Variants in PTPRD observed in about 807,000 individuals in gnomAD.
PTPRD encodes receptor-type tyrosine-protein phosphatase delta.
In PTPRD, 34 loss-of-function variants were observed where a neutral mutation model predicts 214.5. That is an observed-to-expected ratio of 0.16 (90% confidence interval 0.12 to 0.21). The LOEUF is 0.21. PTPRD is among the 10% of genes least tolerant of loss of function. PTPRD has a pLI of 1.00. For missense variants in PTPRD, 2,545 were observed against 2,398.7 expected (o/e 1.06, Z -1.27); for synonymous variants, 1,128 against 845.7 (o/e 1.33, Z -5.79).
chr9:10,141,449 C>T, intron 3 of PTPRD, among the ~76,000 whole-genome samples: 1 of 151,598 alleles, frequency 6.6e-6, no homozygotes. Flanking sequence ...CACTCTTATA[C>T]AACAACAAGA....
chr9:10,137,817 A>T (rs1437586699), intron 3 of PTPRD, among the ~76,000 whole-genome samples: 1 of 151,836 alleles, frequency 6.6e-6, no homozygotes, highest in Non-Finnish European at 1.5e-5. Flanking sequence ...AAATTAAGGG[A>T]GAAATTGTAA....
At chr9:8,894,889 T>A (rs1206016454) in intron 11 of PTPRD, among the ~76,000 whole-genome samples, 4 of 151,986 alleles carry the variant, frequency 2.6e-5, no homozygotes, top group African/African-American at 4.8e-5. Context: ...ATGGCACCAA[T>A]CAACAGAGAG....
At chr9:9,795,007 A>C (rs1294777091) in intron 5 of PTPRD, among the ~76,000 whole-genome samples, 1 of 152,222 alleles carries the variant, frequency 6.6e-6, no homozygotes, top group African/African-American at 2.4e-5. Context: ...CCTTAAAACC[A>C]ACAGCTTGAG....
chr9:9,964,620 A>G (rs973519958), intron 4 of PTPRD, among the ~76,000 whole-genome samples: 3 of 152,018 alleles, frequency 2.0e-5, no homozygotes, highest in Non-Finnish European at 2.9e-5. Flanking sequence ...AACAGGTTTG[A>G]TTTTCTTTTT....
intron 30 of PTPRD, among the ~76,000 whole-genome samples, chr9:8,483,354 T>C (rs1403980147): frequency 2.0e-5 from 3 of 152,228 alleles, no homozygotes; most frequent in South Asian, 2.1e-4. Context: ...CCCCTTTTTT[T>C]CAACCTTTTA....
intron 11 of PTPRD, chr9:8,857,626 C>T (rs1486985445): frequency 6.4e-6 from 1 of 155,060 alleles, no homozygotes; most frequent in Non-Finnish European, 1.4e-5. Context: ...GGGGTCAGTT[C>T]CAGGGACTCA....
chr9:8,892,579 GTGTGTATATATA>G (rs1318333190), intron 11 of PTPRD, among the ~76,000 whole-genome samples: 5 of 149,210 alleles, frequency 3.4e-5, no homozygotes, highest in East Asian at 2.0e-4. Context: ...GTATATATAT[GTGTGTATATATA>G]TGTGTATATA....
chr9:10,310,114 C>A (rs2096227262), intron 3 of PTPRD, among the ~76,000 whole-genome samples: 2 of 152,138 alleles, frequency 1.3e-5, no homozygotes, highest in South Asian at 4.1e-4. Flanking sequence ...GACACACGAA[C>A]AAGAAGCCTT....
At chr9:9,883,163 C>T (rs909051611) in intron 5 of PTPRD, among the ~76,000 whole-genome samples, 3 of 151,968 alleles carry the variant, frequency 2.0e-5, no homozygotes, top group African/African-American at 7.3e-5. Context: ...CCCCAAGAGG[C>T]GAACTCCCAT....
chr9:10,016,334 A>T (rs1474842359), intron 4 of PTPRD, among the ~76,000 whole-genome samples: 1 of 151,798 alleles, frequency 6.6e-6, no homozygotes, highest in Non-Finnish European at 1.5e-5. Flanking sequence ...GTGTCCAGGG[A>T]AATGAGATAG....
chr9:8,907,090 A>G (rs1225104148), intron 11 of PTPRD, among the ~76,000 whole-genome samples: 1 of 152,138 alleles, frequency 6.6e-6, no homozygotes, highest in South Asian at 2.1e-4. Context: ...CATGCTAGCA[A>G]CTGCATACTA....
intron 3 of PTPRD, among the ~76,000 whole-genome samples, chr9:10,294,576 A>G (rs936751239): frequency 1.3e-5 from 2 of 151,980 alleles, no homozygotes; most frequent in African/African-American, 4.8e-5. Flanking sequence ...GATTTTATGC[A>G]TACATTTCTC....
rs771630160 is a variant in PTPRD at position 8,507,374 on chromosome 9, G to A, written c.1604C>T (p.Ser535Phe). ...GGTATCTGAACGTGGAGGTGTCCAA[G>A]AGAGCAAAATACTTGTTTCAGACTC... ...EPESETSILL[S>F]WTPPRSDTIA... The change falls in exon 22 of 46, where the codon TCT becomes TTT. Residue 535 changes from serine (S) to phenylalanine (F), a missense_variant. Physicochemically the swap from Ser to Phe is radical, Grantham distance 155. Coordinates refer to ENST00000381196, the MANE Select transcript of PTPRD (RefSeq NM_002839.4). 1 of 1,614,010 alleles carries A rather than the reference G, an allele frequency of 6.2e-7. No individual in the cohort carries two copies. Among genetic ancestry groups the A allele is most frequent in the Non-Finnish European group, 8.5e-7 (1 of 1,179,882 alleles).
intron 3 of PTPRD, among the ~76,000 whole-genome samples, chr9:10,125,893 G>A (rs2154252674): frequency 6.6e-6 from 1 of 152,232 alleles, no homozygotes; most frequent in East Asian, 1.9e-4. Flanking sequence ...GATATAGCAT[G>A]TAAAATGTCT....
intron 5 of PTPRD, among the ~76,000 whole-genome samples, chr9:9,812,828 C>T (rs2047564487): frequency 6.6e-6 from 1 of 152,052 alleles, no homozygotes; most frequent in South Asian, 2.1e-4. Flanking sequence ...AAGCAGAAGA[C>T]ACATTCTTCT....
At chr9:8,847,673 A>T (rs1381134858) in intron 11 of PTPRD, among the ~76,000 whole-genome samples, 1 of 152,198 alleles carries the variant, frequency 6.6e-6, no homozygotes, top group Non-Finnish European at 1.5e-5. Context: ...GTATTTTATT[A>T]TTTATAAAAT....
intron 11 of PTPRD, among the ~76,000 whole-genome samples, chr9:8,872,583 G>C (rs762005150): frequency 2.0e-5 from 3 of 152,178 alleles, no homozygotes; most frequent in Non-Finnish European, 2.9e-5. Flanking sequence ...CCAGGTATCT[G>C]CACAAAGCGT....
intron 3 of PTPRD, among the ~76,000 whole-genome samples, chr9:10,288,857 A>T (rs1235063275): frequency 6.6e-6 from 1 of 152,100 alleles, no homozygotes; most frequent in African/African-American, 2.4e-5. Flanking sequence ...CTAAAATTGG[A>T]TTATATGAAA....
intron 34 of PTPRD, among the ~76,000 whole-genome samples, chr9:8,446,061 G>C (rs1488525647): frequency 6.6e-6 from 1 of 152,150 alleles, no homozygotes; most frequent in Non-Finnish European, 1.5e-5. Flanking sequence ...CTAAAGCAAT[G>C]TTCCTCTCCA....
Sources: gnomAD v4.1 joint callset for allele counts (sites outside exome capture counted in the v4.1 genomes callset) on GRCh38, gnomAD v4.1.1 for gene constraint, MANE v1.5 for transcripts, NCBI Gene and HGNC (gene_info 2026-07-23, HGNC 2026-07-21) for gene names.